ADGRL1: variants seen among roughly 807,000 people sequenced by gnomAD.
The protein encoded by ADGRL1 is adhesion G protein-coupled receptor L1.
In ADGRL1, 31 loss-of-function variants were observed where a neutral mutation model predicts 148.9. The ratio of observed to expected loss-of-function variants is 0.21; its 90% CI spans 0.16 to 0.28. The LOEUF is 0.28. Ranked by LOEUF, ADGRL1 falls within the 10% of genes least tolerant of loss-of-function variation. The probability of loss-of-function intolerance (pLI) is 1.00; values close to 1 mark genes in which losing one functional copy is unlikely to be tolerated. For synonymous variants in ADGRL1, 937 were observed against 900.3 expected, an observed-to-expected ratio of 1.04 and a Z score of -0.73; for missense variants, 1,521 against 2,058.8, an observed-to-expected ratio of 0.74 and a Z score of 5.05.
intron 3 of ADGRL1, among the ~76,000 whole-genome samples, chr19:14,174,837 G>GTTTT (rs34608406): frequency 3.6e-5 from 4 of 110,572 alleles, no homozygotes; most frequent in Admixed American, 9.6e-5. Flanking sequence ...CACCTGGTCT[G>GTTTT]TTTTTTTTTT....
At position 14,152,802 on chromosome 19, in the gene ADGRL1, G is replaced by T. The variant is rs766291655; in HGVS notation, c.3405C>A (p.Arg1135=). 15 of 1,613,986 alleles carry T rather than the reference G, an allele frequency of 9.3e-6. No homozygotes were observed. The highest frequency in any genetic ancestry group is 1.7e-5 in the Admixed American group (1 of 60,006). The change falls in exon 19 of 23, where the codon CGC becomes CGA. Residue 1135 remains arginine (R), a synonymous_variant. Transcript: ENST00000361434. This position sits in a 1 kb window ranked among gnomAD's most constrained non-coding sequence, Gnocchi z 6.1. ...CCGATACCTGGGTCCCTGTGTAGTAGCGGGTGTTGCTTCGCATGGCTGAGG... is the reference window on the plus strand; with the variant it reads ...CCGATACCTGGGTCCCTGTGTAGTATCGGGTGTTGCTTCGCATGGCTGAGG... ...LKTSAMRSNT[R]YYTGTQSRIR... is the part of the protein sequence containing the mutation.
At chr19:14,182,560 GTGAGT>G (rs1971271866) in intron 2 of ADGRL1, among the ~76,000 whole-genome samples, 1 of 152,194 alleles carries the variant, frequency 6.6e-6, no homozygotes, top group East Asian at 1.9e-4. Context: ...GTTTTTTGGG[GTGAGT>G]TGAGTCCCAG....
intron 1 of ADGRL1, among the ~76,000 whole-genome samples, chr19:14,200,945 G>A (rs976090581): frequency 6.6e-6 from 1 of 152,198 alleles, no homozygotes; most frequent in African/African-American, 2.4e-5. Flanking sequence ...AGCCATCACT[G>A]CCAACCCAGG....
chr19:14,161,634 G>A lies in ADGRL1; in HGVS notation c.1196-8C>T. ...GTGGGGAAGTGGCTGGGCCTGGAGA[G>A]GGGATACGAGACAGGGTCATCCCCA... On this transcript the variant is annotated splice_polypyrimidine_tract_variant and splice_region_variant and intron_variant, in intron 5 of 22. Transcript: ENST00000361434. The surrounding 1 kb of genome is among the most constrained non-coding windows in gnomAD (Gnocchi z 4.4). 2 of 1,403,032 alleles carry A rather than the reference G, an allele frequency of 1.4e-6. No individual in the cohort carries two copies. The highest frequency in any genetic ancestry group is 4.8e-4 in the Middle Eastern group (2 of 4,136). 86.9% of individuals were successfully genotyped at this position (1,403,032 alleles called of 1,614,324 possible).
intron 1 of ADGRL1, among the ~76,000 whole-genome samples, chr19:14,194,762 C>T (rs1299269188): frequency 6.6e-6 from 1 of 152,092 alleles, no homozygotes; most frequent in Non-Finnish European, 1.5e-5. Flanking sequence ...CTGGTCACGC[C>T]TGGACGTTCT....
chr19:14,175,953 C>A (rs1038451992), intron 3 of ADGRL1, among the ~76,000 whole-genome samples: 1 of 152,160 alleles, frequency 6.6e-6, no homozygotes, highest in Non-Finnish European at 1.5e-5. Context: ...ACTCGGGAGG[C>A]TGAGGCGGGA....
At chr19:14,205,050 G>C (rs1231474979) in intron 1 of ADGRL1, among the ~76,000 whole-genome samples, 1 of 151,962 alleles carries the variant, frequency 6.6e-6, no homozygotes. Flanking sequence ...TAGAGACAGG[G>C]GTGTGTGTAG....
intron 1 of ADGRL1, among the ~76,000 whole-genome samples, chr19:14,198,526 C>T (rs185559895): frequency 6.6e-6 from 1 of 152,202 alleles, no homozygotes. Flanking sequence ...TGGCTCTCTC[C>T]CACGTAGCAG....
rs575662356 is a variant in ADGRL1, at chr19:14,188,553, A to G, written c.-95-4856T>C. On this transcript the variant is annotated intron_variant, in intron 1 of 22. Transcript: ENST00000361434. The stretch of plus-strand genomic sequence containing the variant: ...CACCATCCTCCCAGGCCCTCCAGCC[A>G]GAACCCCAGGAGCTGAAACCCTTGA... 1.3e-4 allele frequency among the ~76,000 whole-genome samples: 20 copies of G among 152,286 alleles called. 1 individual carries two copies. The South Asian group carries it at 3.7e-3, about 28-fold the overall frequency.
At chr19:14,174,594 G>A (rs1970693523) in intron 3 of ADGRL1, among the ~76,000 whole-genome samples, 1 of 150,054 alleles carries the variant, frequency 6.7e-6, no homozygotes, top group African/African-American at 2.5e-5. Context: ...GGAGTGCAGT[G>A]GTGTTATCTT....
Position 14,190,514 on chromosome 19 carries a change from G to A in ADGRL1, c.-95-6817C>T, listed in dbSNP as rs146283770. On this transcript the variant is annotated intron_variant, in intron 1 of 22. Transcript: ENST00000361434. ...ACTCCTGGCGTCAAGCGATGCTCCC[G>A]CCTTGGCCTCCCAAAGTGCTGGGAT... Among the ~76,000 whole-genome samples, 211 of 152,248 alleles carry A rather than the reference G, an allele frequency of 1.4e-3. 6 individuals carry two copies. In the East Asian group the frequency reaches 0.019, roughly 14 times the overall value.
rs755144915 is a variant in ADGRL1, at chr19:14,183,557, C to T, written c.46G>A (p.Val16Ile). ...CCTTGGGTGGCCGAGGTGACCAGGA[C>T]GGCGGTGACACACAGATTCCAGAGC... ...AVLWNLCVTAVLVTSATQGLS... is the reference protein window; with the variant it reads ...AVLWNLCVTAILVTSATQGLS... Residue 16 changes from valine to isoleucine, a missense_variant, in exon 2 of 23, where the codon GTC (valine) becomes ATC (isoleucine). Around this residue, in one of 8 missense-constraint regions of ADGRL1, gnomAD observed 334 missense variants for 512.5 expected, o/e 0.65. Transcript: ENST00000361434. The T allele has an allele frequency of 1.3e-5, 21 of 1,583,170 alleles. No individual in the cohort carries two copies. Among genetic ancestry groups the T allele is most frequent in the Admixed American group, 1.3e-4 (7 of 55,772 alleles).
At chr19:14,204,045 G>C (rs1172098624) in intron 1 of ADGRL1, among the ~76,000 whole-genome samples, 1 of 152,166 alleles carries the variant, frequency 6.6e-6, no homozygotes, top group Non-Finnish European at 1.5e-5. Context: ...CCGTGCACGG[G>C]TGCGATCGCT....
Position 14,157,703 on chromosome 19 carries a change from G to A in ADGRL1, c.2535+179C>T, listed in dbSNP as rs1347677457. Among the ~76,000 whole-genome samples, 2 of 152,226 alleles carry A rather than the reference G, an allele frequency of 1.3e-5. No individual in the cohort carries two copies. The highest frequency in any genetic ancestry group is 2.4e-5 in the African/African-American group (1 of 41,450). Reference sequence around the variant, plus strand: ...GCTTCTCCAGAGTGCCTTGGGAGACGGTGGGATCATGGCCATAGAGGACCA... The same window carrying A: ...GCTTCTCCAGAGTGCCTTGGGAGACAGTGGGATCATGGCCATAGAGGACCA... On this transcript the variant is annotated intron_variant, in intron 13 of 22. Transcript: ENST00000361434. The surrounding 1 kb of genome is among the most constrained non-coding windows in gnomAD (Gnocchi z 7.5).
chr19:14,166,564 GAGAGAGAGAGAGAGAGAA>G (rs1219931939), intron 4 of ADGRL1, among the ~76,000 whole-genome samples: 1 of 146,180 alleles, frequency 6.8e-6, no homozygotes, highest in African/African-American at 2.5e-5. Context: ...GGGAGAGACA[GAGAGAGAGAGAGAGAGAA>G]AGAGAGAGAG....
rs1969466104 is a variant in ADGRL1, at chr19:14,162,171, G to T, written c.1195+435C>A. Among the ~76,000 whole-genome samples, 1 of 152,196 alleles carries T rather than the reference G, an allele frequency of 6.6e-6. No individual in the cohort carries two copies. Among genetic ancestry groups the T allele is most frequent in the South Asian group, 2.1e-4 (1 of 4,834 alleles). ...AGGGCAGCTAGGCGGGGCAAAAGAA[G>T]ACTGCAGAGTTGCCCTCAGCCCGGT... On this transcript the variant is annotated intron_variant, in intron 5 of 22. Transcript: ENST00000361434. This position sits in a 1 kb window ranked among gnomAD's most constrained non-coding sequence, Gnocchi z 5.4.
In ADGRL1 at chr19:14,159,603, T is replaced by C. The variant is rs1969128606; in HGVS notation, c.1840-19A>G. ...CCACGGCCTGCACAGGCAGAGGGCA[T>C]GGTGCTGTGAGCCCCCCAACACCCT... On this transcript the variant is annotated intron_variant, in intron 9 of 22. Coordinates refer to ENST00000361434, the MANE Select transcript of ADGRL1 (RefSeq NM_014921.5). This position sits in a 1 kb window ranked among gnomAD's most constrained non-coding sequence, Gnocchi z 6.0. 2.5e-6 allele frequency: 4 copies of C among 1,593,540 alleles called. No individual in the cohort carries two copies. The South Asian group carries it at 4.5e-5, about 18-fold the overall frequency.
At position 14,152,642 on chromosome 19, in the gene ADGRL1, T is replaced by C; in HGVS notation, c.3424-29A>G. On this transcript the variant is annotated intron_variant, in intron 19 of 22. Coordinates refer to ENST00000361434, the MANE Select transcript of ADGRL1 (RefSeq NM_014921.5). This position sits in a 1 kb window ranked among gnomAD's most constrained non-coding sequence, Gnocchi z 6.1. The stretch of plus-strand genomic sequence containing the variant: ...GGAACACAACCCAAATGTGAGGGGA[T>C]CCTTGGGCCACCCACCCTCTGGCGT... 1 of 1,608,292 alleles carries C rather than the reference T, an allele frequency of 6.2e-7. No individual in the cohort carries two copies. The highest frequency in any genetic ancestry group is 8.5e-7 in the Non-Finnish European group (1 of 1,175,252).
At position 14,183,514 on chromosome 19, in the gene ADGRL1, C is replaced by T. The variant is rs1430708479; in HGVS notation, c.70+19G>A. 18 of 1,557,692 alleles carry T rather than the reference C, an allele frequency of 1.2e-5. 1 individual carries two copies. Among genetic ancestry groups the T allele is most frequent in the East Asian group, 4.8e-5 (2 of 41,674 alleles). On this transcript the variant is annotated intron_variant, in intron 2 of 22. Transcript: ENST00000361434. ...GGGTTTGGGAGCCGCGGCCCCTCCCCGGCCCCAGCAGCACCTACCTTGGGT... is the reference window on the plus strand; with the variant it reads ...GGGTTTGGGAGCCGCGGCCCCTCCCTGGCCCCAGCAGCACCTACCTTGGGT...
Sources: allele counts gnomAD v4.1 joint callset (sites outside exome capture counted in the v4.1 genomes callset), GRCh38; gene constraint gnomAD v4.1.1; regional missense constraint gnomAD v4.1.1; non-coding constraint Gnocchi (gnomAD v3.1); transcripts MANE v1.5; gene names NCBI Gene and HGNC (gene_info 2026-07-23, HGNC 2026-07-21).